Variants in FAM53B observed in about 807,000 individuals in gnomAD.
FAM53B encodes family with sequence similarity 53 member B, also known as protein FAM53B.
FAM53B carries 12 observed loss-of-function variants against 32.7 expected under a neutral mutation model. The ratio of observed to expected loss-of-function variants is 0.37; its 90% CI spans 0.24 to 0.59. The LOEUF (loss-of-function observed/expected upper bound fraction) is 0.59. Among genes scored for constraint, FAM53B ranks in the 20% least tolerant of loss-of-function variants. FAM53B has a pLI of 0.72. For synonymous variants in FAM53B, 234 were observed against 228.7 expected, an observed-to-expected ratio of 1.02 and a Z score of -0.21; for missense variants, 477 against 577.7, an observed-to-expected ratio of 0.83 and a Z score of 1.79.
chr10:124,666,744 C>T (rs1372202512), intron 4 of FAM53B, among the ~76,000 whole-genome samples: 1 of 152,270 alleles, frequency 6.6e-6, no homozygotes, highest in East Asian at 1.9e-4. Context: ...GGGCAGGATG[C>T]TCAGAGAAAC....
At chr10:124,633,177 G>C (rs1949402454) in intron 4 of FAM53B, among the ~76,000 whole-genome samples, 1 of 147,048 alleles carries the variant, frequency 6.8e-6, no homozygotes, top group Admixed American at 6.8e-5. Context: ...TCAAGAGCAA[G>C]AAGACACGCC....
intron 4 of FAM53B, among the ~76,000 whole-genome samples, chr10:124,678,480 G>A (rs952915238): frequency 1.3e-5 from 2 of 152,210 alleles, no homozygotes; most frequent in African/African-American, 4.8e-5. Context: ...AATTTGCCTA[G>A]GGCTTCCAGT....
chr10:124,716,116 C>T (rs1950037204), intron 1 of FAM53B, among the ~76,000 whole-genome samples: 1 of 152,214 alleles, frequency 6.6e-6, no homozygotes, highest in Non-Finnish European at 1.5e-5. Context: ...ACAGAGAGGG[C>T]ATACTCACCC....
chr10:124,684,038 G>A (rs1278392231), intron 3 of FAM53B, among the ~76,000 whole-genome samples: 1 of 152,218 alleles, frequency 6.6e-6, no homozygotes, highest in Non-Finnish European at 1.5e-5. Context: ...TCCTGCCAAG[G>A]TCAGCAGAGC....
intron 1 of FAM53B, among the ~76,000 whole-genome samples, chr10:124,738,069 G>A (rs779518324): frequency 2.0e-5 from 3 of 150,382 alleles, no homozygotes; most frequent in African/African-American, 7.4e-5. Context: ...CCCTAGGGAT[G>A]GGTGCCCTTC....
At chr10:124,711,708 C>T (rs1950004917) in intron 1 of FAM53B, among the ~76,000 whole-genome samples, 1 of 152,108 alleles carries the variant, frequency 6.6e-6, no homozygotes, top group African/African-American at 2.4e-5. Flanking sequence ...TGGAATTTAG[C>T]GGCCCTGGCC....
chr10:124,731,577 CTT>C (rs34416562), intron 1 of FAM53B, among the ~76,000 whole-genome samples: 1 of 145,180 alleles, frequency 6.9e-6, no homozygotes. Flanking sequence ...CAAAATCAAC[CTT>C]TTTTTTTTTT....
chr10:124,663,613 C>T (rs925010044), intron 4 of FAM53B, among the ~76,000 whole-genome samples: 5 of 152,194 alleles, frequency 3.3e-5, no homozygotes, highest in Admixed American at 6.5e-5. Flanking sequence ...GACTCTGATC[C>T]GGCAGGTCTG....
At chr10:124,713,996 T>C (rs1950023091) in intron 1 of FAM53B, 1 of 152,306 alleles carries the variant, frequency 6.6e-6, no homozygotes, top group Non-Finnish European at 1.5e-5. Flanking sequence ...AAGCAATCTG[T>C]GGGCAGAATC....
At chr10:124,629,444 G>A (rs967433092) in intron 4 of FAM53B, among the ~76,000 whole-genome samples, 1 of 152,162 alleles carries the variant, frequency 6.6e-6, no homozygotes, top group African/African-American at 2.4e-5. Context: ...TGTGTTAGAG[G>A]TCTTCATGGA....
Position 124,682,512 on chromosome 10 carries a change from C to A in FAM53B, c.134-133G>T. On this transcript the variant is annotated intron_variant, in intron 3 of 4. Coordinates refer to ENST00000337318, the MANE Select transcript of FAM53B (RefSeq NM_014661.4). This position sits in a 1 kb window ranked among gnomAD's most constrained non-coding sequence, Gnocchi z 5.2. The stretch of plus-strand genomic sequence containing the variant: ...AAAGGCCCTTAGAAACCATCCAGTC[C>A]AACCTCATTTTACAGATGAGAAATT... 1 of 722,126 alleles carries A rather than the reference C, an allele frequency of 1.4e-6. No homozygotes were observed. Among genetic ancestry groups the A allele is most frequent in the Non-Finnish European group, 2.2e-6 (1 of 448,308 alleles). 44.7% of individuals were successfully genotyped at this position (722,126 alleles called of 1,614,324 possible).
At chr10:124,652,323 C>T (rs4962676) in intron 4 of FAM53B, among the ~76,000 whole-genome samples, 131,782 of 152,196 alleles carry the variant, frequency 0.87, 59,617 homozygotes, top group Non-Finnish European at 0.99. Flanking sequence ...CAGGGGTGAA[C>T]TGAGCAAGGA....
intron 4 of FAM53B, among the ~76,000 whole-genome samples, chr10:124,628,671 G>A (rs752979574): frequency 6.6e-6 from 1 of 152,214 alleles, no homozygotes; most frequent in Non-Finnish European, 1.5e-5. Flanking sequence ...TGTGAGTGTT[G>A]GCTCTGACAG....
intron 4 of FAM53B, among the ~76,000 whole-genome samples, chr10:124,625,506 C>T (rs906421358): frequency 4.6e-5 from 7 of 152,140 alleles, no homozygotes; most frequent in East Asian, 1.9e-4. Flanking sequence ...CTGGAGACGG[C>T]GACCCCTGCA....
intron 4 of FAM53B, among the ~76,000 whole-genome samples, chr10:124,662,486 CCATCCATCCA>C: frequency 7.5e-6 from 1 of 133,846 alleles, no homozygotes; most frequent in Non-Finnish European, 1.6e-5. Context: ...ATCCATCCAT[CCATCCATCCA>C]TCCATCCATC....
intron 1 of FAM53B, among the ~76,000 whole-genome samples, chr10:124,739,367 C>A (rs1244979939): frequency 6.6e-6 from 1 of 152,248 alleles, no homozygotes; most frequent in Non-Finnish European, 1.5e-5. Context: ...ATACAAAGCC[C>A]AGGGCCCAGG....
intron 4 of FAM53B, among the ~76,000 whole-genome samples, chr10:124,642,034 TGC>T (rs1217290179): frequency 1.3e-5 from 2 of 152,220 alleles, no homozygotes; most frequent in Non-Finnish European, 2.9e-5. Flanking sequence ...ACAAATGGCG[TGC>T]GTGCATACAC....
chr10:124,723,918 G>A (rs745595990), intron 1 of FAM53B, among the ~76,000 whole-genome samples: 4 of 152,216 alleles, frequency 2.6e-5, no homozygotes, highest in African/African-American at 4.8e-5. Flanking sequence ...CAAATCTCAT[G>A]TACTCCCTGT....
intron 1 of FAM53B, among the ~76,000 whole-genome samples, chr10:124,707,322 C>G (rs1031082494): frequency 6.6e-6 from 1 of 152,198 alleles, no homozygotes; most frequent in African/African-American, 2.4e-5. Context: ...CATCCAACAC[C>G]AAAGGGGTCG....
Sources: gnomAD v4.1 joint callset for allele counts (sites outside exome capture counted in the v4.1 genomes callset) on GRCh38, gnomAD v4.1.1 for gene constraint, Gnocchi (gnomAD v3.1) non-coding constraint, MANE v1.5 for transcripts, NCBI Gene and HGNC (gene_info 2026-07-23, HGNC 2026-07-21) for gene names.